DNAJB6: variants seen among roughly 807,000 people sequenced by gnomAD.
The protein encoded by DNAJB6 is DnaJ heat shock protein family (Hsp40) member B6.
A neutral mutation model predicts 42.7 loss-of-function variants in DNAJB6; 16 were observed. The ratio of observed to expected loss-of-function variants is 0.37; its 90% CI spans 0.25 to 0.57. DNAJB6 has a LOEUF of 0.57. DNAJB6 is among the 20% of genes least tolerant of loss of function. The pLI is 0.74. For missense variants in DNAJB6, 347 were observed against 416.8 expected, an observed-to-expected ratio of 0.83 and a Z score of 1.46; for synonymous variants, 170 against 163.5, an observed-to-expected ratio of 1.04 and a Z score of -0.30.
intron 1 of DNAJB6, among the ~76,000 whole-genome samples, chr7:157,358,312 A>AT (rs1472236574): frequency 6.6e-6 from 1 of 152,130 alleles, no homozygotes; most frequent in Admixed American, 6.5e-5. Flanking sequence ...TTATTAGGCT[A>AT]TTTCAGAGCT....
intron 3 of DNAJB6, among the ~76,000 whole-genome samples, chr7:157,363,946 A>C (rs1452573656): frequency 1.3e-5 from 2 of 152,150 alleles, no homozygotes; most frequent in Non-Finnish European, 2.9e-5. Context: ...AAAGCCACAC[A>C]GTGCCCCTGT....
chr7:157,410,105 C>T, intron 9 of DNAJB6, 104 bp downstream of exon 9: 1 of 1,437,456 alleles, frequency 7.0e-7, no homozygotes, highest in Admixed American at 2.6e-5. Context: ...GTGTTCTGAC[C>T]TGAGCGGGCG....
chr7:157,371,379 A>T (rs757671857), intron 5 of DNAJB6, among the ~76,000 whole-genome samples: 14 of 152,226 alleles, frequency 9.2e-5, no homozygotes, highest in Non-Finnish European at 2.1e-4. Flanking sequence ...GACCTCCCTC[A>T]TGATAGGTGG....
At chr7:157,382,072 C>A in intron 5 of DNAJB6, 174 bp from the exon 6 acceptor site, 4 of 515,834 alleles carry the variant, frequency 7.8e-6, no homozygotes, top group African/African-American at 2.0e-5. Context: ...GTTAGTAAAA[C>A]TGTTGGTGAG....
intron 1 of DNAJB6, among the ~76,000 whole-genome samples, chr7:157,340,998 G>GCGCGCGCGCGCGCGCGCGCT (rs57155944): frequency 7.4e-6 from 1 of 134,960 alleles, no homozygotes; most frequent in Non-Finnish European, 1.5e-5. Flanking sequence ...GTGTGTGTGT[G>GCGCGCGCGCGCGCGCGCGCT]CGCGCGCGCA....
At chr7:157,381,065 C>G (rs1208233757) in intron 5 of DNAJB6, 1 of 151,976 alleles carries the variant, frequency 6.6e-6, no homozygotes, top group Non-Finnish European at 1.5e-5. Flanking sequence ...CTCCTGAGCT[C>G]AAGGAATCCT....
At chr7:157,385,322 C>T (rs542328435) in intron 7 of DNAJB6, among the ~76,000 whole-genome samples, 6 of 152,230 alleles carry the variant, frequency 3.9e-5, no homozygotes, top group South Asian at 4.1e-4. Context: ...ATTTAGCATC[C>T]GCCTGTACGG....
intron 1 of DNAJB6, among the ~76,000 whole-genome samples, chr7:157,349,762 A>G (rs1798874283): frequency 6.6e-6 from 1 of 152,178 alleles, no homozygotes; most frequent in Non-Finnish European, 1.5e-5. Context: ...CTCATGCCTC[A>G]GTCTCCTGAG....
rs756969078 is a variant in DNAJB6 at position 157,368,365 on chromosome 7, A to G, written c.346+882A>G. Among the ~76,000 whole-genome samples the G allele has an allele frequency of 4.9e-4, 75 of 152,308 alleles. 1 individual carries two copies. Among genetic ancestry groups the G allele is most frequent in the Middle Eastern group, 3.4e-3 (1 of 294 alleles). On this transcript the variant is annotated intron_variant, in intron 5 of 9. Coordinates refer to ENST00000262177, the MANE Select transcript of DNAJB6 (RefSeq NM_058246.4). ...GAATTTGCCACATCATATTCCTGGTAAAATCATTAAGCACCATAGTACTGT... is the reference window on the plus strand; with the variant it reads ...GAATTTGCCACATCATATTCCTGGTGAAATCATTAAGCACCATAGTACTGT...
intron 9 of DNAJB6, chr7:157,411,319 G>A (rs1406042124): frequency 6.6e-6 from 1 of 151,016 alleles, no homozygotes; most frequent in African/African-American, 2.5e-5. Flanking sequence ...CGGGGTGGGG[G>A]AGACTCCCCA....
At chr7:157,348,910 TTTGCCTCTG>T (rs1304549734) in intron 1 of DNAJB6, among the ~76,000 whole-genome samples, 1 of 152,198 alleles carries the variant, frequency 6.6e-6, no homozygotes, top group Non-Finnish European at 1.5e-5. Context: ...GTGGAATACT[TTTGCCTCTG>T]TTCTCTGCCT....
intron 1 of DNAJB6, chr7:157,337,900 C>G (rs925943381): frequency 4.1e-5 from 6 of 148,146 alleles, no homozygotes; most frequent in African/African-American, 1.3e-4. Flanking sequence ...GATGGGTTTG[C>G]TAGTCAGACG....
chr7:157,409,891 C>G lies in DNAJB6; in HGVS notation c.788C>G (p.Pro263Arg). Residue 263 changes from proline to arginine, a missense_variant, in exon 9 of 10, where the codon CCC (proline) becomes CGC (arginine). By Grantham distance (103) the Pro-to-Arg change is moderately radical. Coordinates refer to ENST00000262177, the MANE Select transcript of DNAJB6 (RefSeq NM_058246.4). ...GCCGGCCTCCGCCCGCCGAAGCCGC[C>G]CCGGCCTGCCTCGCTGCTGAGACAC... ...QPAGLRPPKPPRPASLLRHAP... is the reference protein window; with the variant it reads ...QPAGLRPPKPRRPASLLRHAP... The G allele has an allele frequency of 6.5e-7, 1 of 1,534,114 alleles. No individual in the cohort carries two copies. The highest frequency in any genetic ancestry group is 2.4e-5 in the East Asian group (1 of 40,836).
At chr7:157,369,892 C>CAACATTATTATTAAACAGGCCCCTTCTT (rs1800073779) in intron 5 of DNAJB6, among the ~76,000 whole-genome samples, 7 of 101,258 alleles carry the variant, frequency 6.9e-5, no homozygotes, top group South Asian at 5.6e-4. Context: ...GGCCCCTTCT[C>CAACATTATTATTAAACAGGCCCCTTCTT]AACATTATTA....
chr7:157,341,634 A>G (rs997507377), intron 1 of DNAJB6, among the ~76,000 whole-genome samples: 1 of 152,174 alleles, frequency 6.6e-6, no homozygotes, highest in East Asian at 1.9e-4. Flanking sequence ...ACTAATACTT[A>G]TTCCTCTCTG....
At chr7:157,384,149 G>C (rs1338336556) in intron 6 of DNAJB6, among the ~76,000 whole-genome samples, 3 of 152,154 alleles carry the variant, frequency 2.0e-5, no homozygotes, top group Non-Finnish European at 2.9e-5. Flanking sequence ...CGAAAAATAG[G>C]TTTGCTTTAG....
chr7:157,404,962 G>A (rs1163135636), intron 8 of DNAJB6, among the ~76,000 whole-genome samples: 1 of 152,166 alleles, frequency 6.6e-6, no homozygotes, highest in African/African-American at 2.4e-5. Context: ...AAAAGGATTG[G>A]TGTAACAGTA....
chr7:157,414,598 T>TCA (rs34723268), intron 9 of DNAJB6: 64,024 of 151,902 alleles, frequency 0.42, 15,127 homozygotes, highest in Non-Finnish European at 0.53. Context: ...GCTTGGCGGT[T>TCA]CTGAACGCGC....
chr7:157,392,603 G>C (rs1801401132), intron 8 of DNAJB6, among the ~76,000 whole-genome samples: 1 of 152,124 alleles, frequency 6.6e-6, no homozygotes, highest in South Asian at 2.1e-4. Flanking sequence ...CTGGTTTCTT[G>C]CACCCTGTAT....
Sources: gnomAD v4.1 joint callset for allele counts (sites outside exome capture counted in the v4.1 genomes callset) on GRCh38, gnomAD v4.1.1 for gene constraint, MANE v1.5 for transcripts, NCBI Gene and HGNC (gene_info 2026-07-23, HGNC 2026-07-21) for gene names.